Variants in CDC73 observed in about 807,000 individuals in gnomAD.
CDC73 encodes the protein cell division cycle 73, also known as parafibromin.
In CDC73, 21 loss-of-function variants were observed where a neutral mutation model predicts 83.7. The observed-to-expected ratio is 0.25, with a 90% CI of 0.18 to 0.36. The LOEUF (loss-of-function observed/expected upper bound fraction) is 0.36, where lower values mean the gene tolerates loss of function less well. Ranked by LOEUF, CDC73 falls within the 10% of genes least tolerant of loss-of-function variation. The pLI, the probability that CDC73 is intolerant of heterozygous loss-of-function variation, is 1.00. For missense variants in CDC73, 342 were observed against 653.3 expected (o/e 0.52, Z 5.19); for synonymous variants, 224 against 212.9 (o/e 1.05, Z -0.45).
At chr1:193,154,078 G>T (rs974740458) in intron 10 of CDC73, among the ~76,000 whole-genome samples, 1 of 152,170 alleles carries the variant, frequency 6.6e-6, no homozygotes, top group African/African-American at 2.4e-5. Context: ...TGAAGATTTA[G>T]TTTAAATTCT....
intron 10 of CDC73, among the ~76,000 whole-genome samples, chr1:193,195,167 C>T (rs1038747179): frequency 7.2e-5 from 11 of 152,074 alleles, no homozygotes; most frequent in African/African-American, 7.2e-5. Context: ...TTTGATGAAG[C>T]CTACTCACAT....
intron 10 of CDC73, among the ~76,000 whole-genome samples, chr1:193,153,936 C>G (rs1281595134): frequency 6.6e-6 from 1 of 152,064 alleles, no homozygotes; most frequent in East Asian, 1.9e-4. Context: ...AGACTGAGGT[C>G]CAGTAGAGCA....
At chr1:193,172,393 G>A (rs1199558568) in intron 10 of CDC73, among the ~76,000 whole-genome samples, 2 of 152,072 alleles carry the variant, frequency 1.3e-5, no homozygotes, top group Non-Finnish European at 2.9e-5. Context: ...GTGAGAGACT[G>A]CTGAGTTTGA....
intron 13 of CDC73, among the ~76,000 whole-genome samples, chr1:193,230,905 A>G (rs1168279948): frequency 2.0e-5 from 3 of 152,184 alleles, no homozygotes; most frequent in African/African-American, 7.2e-5. Context: ...AGCCTTTTTT[A>G]TTGCTAATAG....
In CDC73 at chr1:193,225,514, A is replaced by G. The variant is rs998798059; in HGVS notation, c.1155-7479A>G. On this transcript the variant is annotated intron_variant, in intron 13 of 16. Coordinates refer to ENST00000367435, the MANE Select transcript of CDC73 (RefSeq NM_024529.5). ...TTCCATAGTGGTTGTACTAGTTTAC[A>G]TTCCCACTAGCAATGTAGAAGTGTT... Among the ~76,000 whole-genome samples the G allele has an allele frequency of 5.3e-5, 8 of 152,242 alleles. No homozygotes were observed. The South Asian group carries it at 1.0e-3, about 20-fold the overall frequency.
chr1:193,146,557 T>A (rs1215223973), intron 7 of CDC73, among the ~76,000 whole-genome samples: 1 of 151,938 alleles, frequency 6.6e-6, no homozygotes, highest in African/African-American at 2.4e-5. Context: ...AACTTACTCT[T>A]TCGGGAATCC....
chr1:193,239,447 AT>A (rs1385139303), intron 15 of CDC73, among the ~76,000 whole-genome samples: 1 of 152,184 alleles, frequency 6.6e-6, no homozygotes, highest in Non-Finnish European at 1.5e-5. Flanking sequence ...CATAATTATA[AT>A]GAAATACATC....
chr1:193,164,224 A>G (rs1190462360), intron 10 of CDC73, among the ~76,000 whole-genome samples: 7 of 152,352 alleles, frequency 4.6e-5, no homozygotes, highest in East Asian at 3.9e-4. Flanking sequence ...CAGTCAACAT[A>G]TTTTCTGTGT....
At chr1:193,225,107 C>T (rs1305889529) in intron 13 of CDC73, among the ~76,000 whole-genome samples, 2 of 151,918 alleles carry the variant, frequency 1.3e-5, no homozygotes, top group African/African-American at 4.8e-5. Context: ...TAGCTTAGCT[C>T]CCACTTACAA....
intron 15 of CDC73, among the ~76,000 whole-genome samples, chr1:193,237,809 T>C (rs1359982590): frequency 6.6e-6 from 1 of 152,136 alleles, no homozygotes; most frequent in Non-Finnish European, 1.5e-5. Flanking sequence ...GGAAAAAACC[T>C]GTGTCTGCGT....
At chr1:193,216,001 C>G (rs754311630) in intron 13 of CDC73, among the ~76,000 whole-genome samples, 1 of 152,120 alleles carries the variant, frequency 6.6e-6, no homozygotes, top group Admixed American at 6.5e-5. Flanking sequence ...GCCTATATCA[C>G]GAAGTTAGAT....
rs200011626 is a variant in CDC73, at chr1:193,234,312, A to AAT, written c.1316+1169_1316+1170dup. On this transcript the variant is annotated intron_variant, in intron 14 of 16. Coordinates refer to ENST00000367435, the MANE Select transcript of CDC73 (RefSeq NM_024529.5). ...ATATTATATATATAATATAATTTAAAATATATATATATTTAAAACACACAC... is the reference window on the plus strand; with the variant it reads ...ATATTATATATATAATATAATTTAAAATATATATATATATTTAAAACACACAC... Among the ~76,000 whole-genome samples, 501 of 140,372 alleles carry AAT rather than the reference A, an allele frequency of 3.6e-3. 2 individuals are homozygous for AAT. The highest frequency in any genetic ancestry group is 5.9e-3 in the African/African-American group (227 of 38,162). 92.1% of individuals were successfully genotyped at this position (140,372 alleles called of 152,430 possible).
At chr1:193,230,406 C>G (rs1049077188) in intron 13 of CDC73, among the ~76,000 whole-genome samples, 1 of 150,924 alleles carries the variant, frequency 6.6e-6, no homozygotes, top group Non-Finnish European at 1.5e-5. Context: ...CTTGGCCCCC[C>G]AAAGTGCTGG....
At chr1:193,249,617 A>G in intron 15 of CDC73, 113 bp from the exon 16 acceptor site, 8 of 792,474 alleles carry the variant, frequency 1.0e-5, no homozygotes, top group Non-Finnish European at 1.5e-5. Flanking sequence ...TAAAGATAAT[A>G]TTTTAAAAGA....
chr1:193,190,284 T>C (rs1417205964), intron 10 of CDC73, among the ~76,000 whole-genome samples: 1 of 152,258 alleles, frequency 6.6e-6, no homozygotes, highest in Non-Finnish European at 1.5e-5. Flanking sequence ...TGATGTTTGC[T>C]TGGAGTTTAT....
intron 7 of CDC73, among the ~76,000 whole-genome samples, chr1:193,146,198 G>A (rs1051484372): frequency 3.9e-5 from 6 of 152,072 alleles, no homozygotes; most frequent in African/African-American, 1.4e-4. Flanking sequence ...AAGGTGTTTG[G>A]CTTAGAGTAG....
At chr1:193,143,263 A>C (rs922431372) in intron 7 of CDC73, among the ~76,000 whole-genome samples, 55 of 152,296 alleles carry the variant, frequency 3.6e-4, no homozygotes, top group African/African-American at 1.2e-3. Flanking sequence ...GTAAACTTCC[A>C]TTTTTGCTAT....
At chr1:193,127,742 C>T (rs1675604105) in intron 2 of CDC73, 1 of 151,480 alleles carries the variant, frequency 6.6e-6, no homozygotes, top group Admixed American at 6.6e-5. Flanking sequence ...TTCTAAAATT[C>T]CAAAATTCTA....
intron 10 of CDC73, among the ~76,000 whole-genome samples, chr1:193,168,658 G>C (rs1409756799): frequency 6.6e-6 from 1 of 151,930 alleles, no homozygotes; most frequent in African/African-American, 2.4e-5. Context: ...TGAGTAGCTG[G>C]GATTACAGGC....
Sources: gnomAD v4.1 joint callset for allele counts (sites outside exome capture counted in the v4.1 genomes callset) on GRCh38, gnomAD v4.1.1 for gene constraint, MANE v1.5 for transcripts, NCBI Gene and HGNC (gene_info 2026-07-23, HGNC 2026-07-21) for gene names.